The following GOLGA4 variants were observed in gnomAD, a reference collection of about 807,000 sequenced individuals.
GOLGA4 encodes the protein golgin A4, also known as golgin subfamily A member 4.
GOLGA4 carries 169 observed loss-of-function variants against 265.9 expected under a neutral mutation model. That is an observed-to-expected ratio of 0.64 (90% CI 0.56 to 0.72). The LOEUF (loss-of-function observed/expected upper bound fraction) is 0.72. GOLGA4 is among the 30% of genes least tolerant of loss of function. The pLI is 0.00. For synonymous variants in GOLGA4, 923 were observed against 855.8 expected, an observed-to-expected ratio of 1.08 and a Z score of -1.37; for missense variants, 2,482 against 2,483.4, an observed-to-expected ratio of 1.00 and a Z score of 0.01.
intron 14 of GOLGA4, among the ~76,000 whole-genome samples, 183 bp from the exon 15 acceptor site, chr3:37,328,233 G>GACACACAC (rs4021346): frequency 0.029 from 3,953 of 138,484 alleles, 61 homozygotes; most frequent in Non-Finnish European, 0.037. Context: ...TATGTACCTG[G>GACACACAC]ACACACACAC....
At chr3:37,320,416 T>G (rs1264596628) in intron 12 of GOLGA4, 3 of 152,228 alleles carry the variant, frequency 2.0e-5, no homozygotes, top group Admixed American at 6.5e-5. Flanking sequence ...GTTTTCACTC[T>G]TAGTTGCATC....
At chr3:37,250,858 G>A (rs1180832505) in intron 1 of GOLGA4, among the ~76,000 whole-genome samples, 1 of 152,136 alleles carries the variant, frequency 6.6e-6, no homozygotes, top group Non-Finnish European at 1.5e-5. Flanking sequence ...TTTAGCAGTG[G>A]TATTCAAGGT....
chr3:37,264,455 C>T (rs1050528804), intron 2 of GOLGA4, among the ~76,000 whole-genome samples: 4 of 151,452 alleles, frequency 2.6e-5, no homozygotes, highest in East Asian at 1.9e-4. Context: ...TTGCTGAATC[C>T]TGTCTAAGAA....
At chr3:37,243,958 G>C (rs968212050) in intron 1 of GOLGA4, 1 of 283,846 alleles carries the variant, frequency 3.5e-6, no homozygotes, top group South Asian at 6.1e-5. Context: ...CCACTCATCT[G>C]AGACCCCACG....
chr3:37,276,422 G>A, intron 2 of GOLGA4: 2 of 1,609,038 alleles, frequency 1.2e-6, no homozygotes, highest in Non-Finnish European at 1.7e-6. Flanking sequence ...GACCAAAGAA[G>A]CCATCAGAGA....
At position 37,324,605 on chromosome 3, in the gene GOLGA4, G is replaced by C; in HGVS notation, c.2719G>C (p.Val907Leu). ...KEQEQTKQIL[V>L]EKENMILQMR... ...ACAGGAACAGACAAAGCAAATCTTG[G>C]TGGAAAAGGAAAATATGATTTTACA... Residue 907 changes from valine (V) to leucine (L), a missense_variant, in exon 14 of 24, where the codon GTG becomes CTG. Around this residue, in one of 3 missense-constraint regions of GOLGA4, gnomAD observed 1,536 missense variants for 1,483.7 expected, o/e 1.04. Coordinates refer to ENST00000361924, the MANE Select transcript of GOLGA4 (RefSeq NM_002078.5). 6.2e-7 allele frequency: 1 copy of C among 1,613,494 alleles called. No homozygotes were observed. The highest frequency in any genetic ancestry group is 1.3e-5 in the African/African-American group (1 of 74,986).
intron 21 of GOLGA4, 116 bp downstream of exon 21, chr3:37,347,412 A>G (rs903155618): frequency 5.2e-6 from 3 of 571,960 alleles, no homozygotes; most frequent in African/African-American, 3.8e-5. Context: ...ACATGCTAAT[A>G]GTAGGTAATA....
intron 22 of GOLGA4, among the ~76,000 whole-genome samples, chr3:37,358,983 C>T (rs923744736): frequency 3.3e-5 from 5 of 152,120 alleles, no homozygotes; most frequent in African/African-American, 1.2e-4. Context: ...GTTTCTTTCC[C>T]CACAAAGTAT....
At chr3:37,273,854 C>T (rs2096805713) in intron 2 of GOLGA4, among the ~76,000 whole-genome samples, 1 of 152,180 alleles carries the variant, frequency 6.6e-6, no homozygotes, top group South Asian at 2.1e-4. Context: ...GTAATCCCAG[C>T]ACTTTGGGAG....
chr3:37,290,710 A>G (rs1046235628), intron 5 of GOLGA4, among the ~76,000 whole-genome samples: 1 of 152,202 alleles, frequency 6.6e-6, no homozygotes, highest in African/African-American at 2.4e-5. Context: ...TGGTCTGCCC[A>G]AGATTCTGCT....
chr3:37,255,428 G>T (rs925906762), intron 2 of GOLGA4, among the ~76,000 whole-genome samples: 3 of 152,124 alleles, frequency 2.0e-5, no homozygotes, highest in Non-Finnish European at 4.4e-5. Flanking sequence ...CTCCCAAAGT[G>T]CTGGGATTAC....
chr3:37,335,031 T>C lies in GOLGA4; in HGVS notation c.6193-22T>C. 2.1e-6 allele frequency: 3 copies of C among 1,411,646 alleles called. No homozygotes were observed. In the South Asian group the frequency reaches 3.9e-5, roughly 18 times the overall value. The allele number at this position is 1,411,646 out of a possible 1,614,324, so 87.4% of individuals were successfully genotyped here. ...CTTCTTTTTTTTCTTTTCCTTTTTT[T>C]CTTTTTTTTTAAATCCTAAAGGCTC... is the stretch of plus-strand genomic sequence containing the variant. On this transcript the variant is annotated intron_variant, in intron 16 of 23. Transcript: ENST00000361924.
chr3:37,314,540 C>T (rs775784371), intron 10 of GOLGA4, among the ~76,000 whole-genome samples: 25 of 151,930 alleles, frequency 1.6e-4, no homozygotes, highest in Non-Finnish European at 2.1e-4. Flanking sequence ...ACTTGGGAGG[C>T]TGAGGCAGGA....
chr3:37,257,976 T>C (rs1449706949), intron 2 of GOLGA4, among the ~76,000 whole-genome samples: 9 of 53,400 alleles, frequency 1.7e-4, no homozygotes, highest in Non-Finnish European at 3.2e-4. Flanking sequence ...TATACATACA[T>C]ATATATATGT....
intron 2 of GOLGA4, among the ~76,000 whole-genome samples, chr3:37,276,995 C>T (rs2096821211): frequency 6.6e-6 from 1 of 151,978 alleles, no homozygotes; most frequent in Non-Finnish European, 1.5e-5. Context: ...TCCATATTGG[C>T]ATGTAGCTAC....
chr3:37,253,155 G>T (rs191306927), intron 2 of GOLGA4, among the ~76,000 whole-genome samples: 16 of 152,022 alleles, frequency 1.1e-4, no homozygotes, highest in African/African-American at 3.6e-4. Flanking sequence ...TACTCAGGAG[G>T]CTAAGGCAGG....
At chr3:37,291,564 T>G (rs2096864779) in intron 5 of GOLGA4, among the ~76,000 whole-genome samples, 1 of 152,218 alleles carries the variant, frequency 6.6e-6, no homozygotes, top group African/African-American at 2.4e-5. Context: ...TTGAGGGACT[T>G]AGAAAACTGT....
intron 5 of GOLGA4, among the ~76,000 whole-genome samples, chr3:37,293,773 A>G (rs1413808101): frequency 6.6e-6 from 1 of 152,234 alleles, no homozygotes; most frequent in African/African-American, 2.4e-5. Context: ...TATAGCTGAG[A>G]AAAGCTTCCA....
intron 2 of GOLGA4, among the ~76,000 whole-genome samples, chr3:37,262,013 A>G (rs546526514): frequency 2.0e-5 from 3 of 152,366 alleles, no homozygotes; most frequent in South Asian, 4.1e-4. Flanking sequence ...TAAGAAGGCC[A>G]CCAGTAAAAA....
Sources: gnomAD v4.1 joint callset for allele counts (sites outside exome capture counted in the v4.1 genomes callset) on GRCh38, gnomAD v4.1.1 for gene constraint, gnomAD v4.1.1 regional missense constraint, MANE v1.5 for transcripts, NCBI Gene and HGNC (gene_info 2026-07-23, HGNC 2026-07-21) for gene names.